The following SNTG1 variants were observed in gnomAD, a reference collection of about 807,000 sequenced individuals.
SNTG1 encodes syntrophin gamma 1.
A neutral mutation model predicts 74.7 loss-of-function variants in SNTG1; 39 were observed. The observed-to-expected ratio is 0.52, with a 90% CI of 0.40 to 0.68. The LOEUF (loss-of-function observed/expected upper bound fraction) is 0.68. Ranked by LOEUF, SNTG1 falls within the 30% of genes least tolerant of loss-of-function variation. The probability of loss-of-function intolerance (pLI) is 0.00; values close to 1 mark genes in which losing one functional copy is unlikely to be tolerated. For synonymous variants in SNTG1, 254 were observed against 217.1 expected, an observed-to-expected ratio of 1.17 and a Z score of -1.49; for missense variants, 685 against 609.5, an observed-to-expected ratio of 1.12 and a Z score of -1.30.
chr8:50,281,795 C>T (rs1017037382), intron 2 of SNTG1, among the ~76,000 whole-genome samples: 15 of 152,084 alleles, frequency 9.9e-5, no homozygotes, highest in African/African-American at 2.9e-4. Context: ...CACTAAACTT[C>T]GAGTATTTAT....
At chr8:50,552,718 C>T (rs112637755) in intron 11 of SNTG1, among the ~76,000 whole-genome samples, 267 of 152,252 alleles carry the variant, frequency 1.8e-3, no homozygotes, top group African/African-American at 5.8e-3. Context: ...AAGTAAACTA[C>T]GCATAATGTT....
intron 2 of SNTG1, among the ~76,000 whole-genome samples, chr8:50,380,197 G>T (rs1397566265): frequency 6.6e-6 from 1 of 152,148 alleles, no homozygotes; most frequent in Non-Finnish European, 1.5e-5. Context: ...TGACTCCAAG[G>T]TACATATTGT....
At chr8:50,465,515 A>T (rs1587715591) in intron 8 of SNTG1, among the ~76,000 whole-genome samples, 1 of 152,194 alleles carries the variant, frequency 6.6e-6, no homozygotes, top group Non-Finnish European at 1.5e-5. Flanking sequence ...GGGTTTTGAC[A>T]CCTGCACAGT....
chr8:50,779,684 A>G (rs904141909), intron 18 of SNTG1, among the ~76,000 whole-genome samples: 2 of 151,070 alleles, frequency 1.3e-5, no homozygotes, highest in African/African-American at 4.9e-5. Flanking sequence ...TCCTAATCGA[A>G]TACCCTTTAT....
At chr8:49,915,886 T>C in intron 1 of SNTG1, among the ~76,000 whole-genome samples, 1 of 152,202 alleles carries the variant, frequency 6.6e-6, no homozygotes, top group South Asian at 2.1e-4. Context: ...ATTTTATTCA[T>C]AGGCCTCTTT....
At chr8:50,785,258 T>C (rs1261716616) in intron 18 of SNTG1, among the ~76,000 whole-genome samples, 1 of 151,880 alleles carries the variant, frequency 6.6e-6, no homozygotes, top group African/African-American at 2.4e-5. Context: ...AAATTTAGTT[T>C]TTTAAAAAGG....
rs759652117 is a variant in SNTG1, at chr8:50,438,570, A to G, written c.190A>G (p.Thr64Ala). Reference sequence around the variant, plus strand: ...AAGAACGGTGACCATCAGAAGACAAACAGTAGGAGGATTTGGATTAAGCAT... The same window carrying G: ...AAGAACGGTGACCATCAGAAGACAAGCAGTAGGAGGATTTGGATTAAGCAT... ...GERTVTIRRQ[T>A]VGGFGLSIKG... Residue 64 changes from threonine to alanine, a missense_variant, in exon 5 of 19, where the codon ACA (threonine) becomes GCA (alanine). Coordinates refer to ENST00000642720, the MANE Select transcript of SNTG1 (RefSeq NM_018967.5). 1.9e-6 allele frequency: 3 copies of G among 1,613,396 alleles called. No individual in the cohort carries two copies. The South Asian group carries it at 3.3e-5, about 18-fold the overall frequency.
chr8:50,276,322 G>A (rs906233507), intron 2 of SNTG1, among the ~76,000 whole-genome samples: 23 of 150,522 alleles, frequency 1.5e-4, no homozygotes, highest in East Asian at 7.8e-4. Flanking sequence ...TTCTAAATTC[G>A]TCATCAGCAT....
chr8:50,430,204 T>C (rs1309135753), intron 4 of SNTG1, among the ~76,000 whole-genome samples: 1 of 152,162 alleles, frequency 6.6e-6, no homozygotes. Flanking sequence ...AGTCATTGAA[T>C]TGCACGCTTT....
intron 1 of SNTG1, among the ~76,000 whole-genome samples, chr8:49,934,711 T>C (rs554151780): frequency 2.0e-5 from 3 of 152,296 alleles, no homozygotes; most frequent in African/African-American, 7.2e-5. Context: ...AAAATACAGA[T>C]GCAAATATAA....
At chr8:49,932,556 T>A (rs77503581) in intron 1 of SNTG1, among the ~76,000 whole-genome samples, 19 of 151,938 alleles carry the variant, frequency 1.3e-4, no homozygotes, top group African/African-American at 4.1e-4. Flanking sequence ...AAAAAAAAAA[T>A]AGTCAGAACG....
chr8:50,419,989 A>C (rs188986283), intron 4 of SNTG1, among the ~76,000 whole-genome samples: 3 of 152,088 alleles, frequency 2.0e-5, no homozygotes, highest in Non-Finnish European at 4.4e-5. Flanking sequence ...TGAAAAAAAA[A>C]CAGGGAAATT....
At chr8:50,002,112 C>T (rs371809947) in intron 1 of SNTG1, among the ~76,000 whole-genome samples, 1 of 152,100 alleles carries the variant, frequency 6.6e-6, no homozygotes, top group African/African-American at 2.4e-5. Flanking sequence ...ATTACTGAAT[C>T]TCTAGAAACT....
intron 13 of SNTG1, among the ~76,000 whole-genome samples, chr8:50,636,977 T>C (rs2095043264): frequency 6.6e-6 from 1 of 152,114 alleles, no homozygotes; most frequent in Non-Finnish European, 1.5e-5. Context: ...AATTCAGAAA[T>C]TTGTCTTGTA....
intron 4 of SNTG1, among the ~76,000 whole-genome samples, chr8:50,423,034 GT>G (rs1420632499): frequency 6.6e-6 from 1 of 152,158 alleles, no homozygotes; most frequent in African/African-American, 2.4e-5. Flanking sequence ...CTTTTTAGCT[GT>G]CAAACTTTTC....
chr8:50,665,949 G>A lies in SNTG1; in HGVS notation c.1038+7286G>A, dbSNP rs180900147. Reference sequence around the variant, plus strand: ...TACAGAGCACAAAAGTGACAGCATTGCCTTAACAAATTGATCAAAGTGAAC... The same window carrying A: ...TACAGAGCACAAAAGTGACAGCATTACCTTAACAAATTGATCAAAGTGAAC... On this transcript the variant is annotated intron_variant, in intron 15 of 18. Transcript: ENST00000642720. Among the ~76,000 whole-genome samples, 453 of 152,232 alleles carry A rather than the reference G, an allele frequency of 3.0e-3. 3 individuals carry two copies. The highest frequency in any genetic ancestry group is 0.011 in the African/African-American group (438 of 41,542).
At chr8:50,509,253 G>A (rs2094041119) in intron 9 of SNTG1, among the ~76,000 whole-genome samples, 1 of 152,118 alleles carries the variant, frequency 6.6e-6, no homozygotes, top group Admixed American at 6.6e-5. Flanking sequence ...TTATTTCTGA[G>A]GGCTCTGTTC....
intron 1 of SNTG1, among the ~76,000 whole-genome samples, chr8:49,951,988 T>C (rs1809763859): frequency 6.7e-6 from 1 of 149,364 alleles, no homozygotes; most frequent in Admixed American, 6.7e-5. Context: ...CACCCAGAAC[T>C]ACTCTTTTGT....
intron 2 of SNTG1, among the ~76,000 whole-genome samples, chr8:50,191,921 A>G (rs921657038): frequency 6.6e-6 from 1 of 152,136 alleles, no homozygotes; most frequent in African/African-American, 2.4e-5. Context: ...TCAAAAGCAA[A>G]TGTAATAAAA....
Sources: gnomAD v4.1 joint callset for allele counts (sites outside exome capture counted in the v4.1 genomes callset) on GRCh38, gnomAD v4.1.1 for gene constraint, MANE v1.5 for transcripts, NCBI Gene and HGNC (gene_info 2026-07-23, HGNC 2026-07-21) for gene names.